Variants in CREB5 observed in about 807,000 individuals in gnomAD.
CREB5 encodes the protein cAMP responsive element binding protein 5, also known as cyclic AMP-responsive element-binding protein 5.
A neutral mutation model predicts 57.1 loss-of-function variants in CREB5; 19 were observed. The observed-to-expected ratio is 0.33, with a 90% CI of 0.23 to 0.49. CREB5 has a LOEUF of 0.49. Ranked by LOEUF, CREB5 falls within the 20% of genes least tolerant of loss-of-function variation. CREB5 has a pLI of 0.99. For synonymous variants in CREB5, 238 were observed against 238.3 expected, an observed-to-expected ratio of 1.00 and a Z score of 0.01; for missense variants, 579 against 671.6, an observed-to-expected ratio of 0.86 and a Z score of 1.52.
intron 5 of CREB5, among the ~76,000 whole-genome samples, chr7:28,690,419 C>T (rs907904542): frequency 6.6e-6 from 1 of 152,204 alleles, no homozygotes; most frequent in Non-Finnish European, 1.5e-5. Context: ...AGCCCTTTTA[C>T]AGCAGGAAGG....
chr7:28,663,340 G>A (rs920210280), intron 5 of CREB5, among the ~76,000 whole-genome samples: 4 of 151,912 alleles, frequency 2.6e-5, no homozygotes, highest in African/African-American at 7.2e-5. Context: ...AAGTAGCTGG[G>A]ACTACAGGTG....
intron 1 of CREB5, among the ~76,000 whole-genome samples, chr7:28,334,581 A>G (rs892542200): frequency 1.3e-5 from 2 of 152,124 alleles, no homozygotes; most frequent in African/African-American, 4.8e-5. Flanking sequence ...TGAGCTCCTT[A>G]TATACTCTGG....
At chr7:28,723,412 C>A (rs936689378) in intron 6 of CREB5, among the ~76,000 whole-genome samples, 1 of 152,192 alleles carries the variant, frequency 6.6e-6, no homozygotes, top group East Asian at 1.9e-4. Flanking sequence ...GGTATTTGAA[C>A]GATGTTCATT....
chr7:28,622,638 T>C lies in CREB5; in HGVS notation c.464+52101T>C, dbSNP rs1385291961. 2.6e-5 allele frequency among the ~76,000 whole-genome samples: 4 copies of C among 152,196 alleles called. No homozygotes were observed. The East Asian group carries it at 7.7e-4, about 29-fold the overall frequency. On this transcript the variant is annotated intron_variant, in intron 5 of 10. Transcript: ENST00000357727. ...GTACAGATTATATTTATTACTGTTT[T>C]AGAGATGAAGAAACTGAGGCTCAGA...
chr7:28,554,711 C>T (rs1402542579), intron 4 of CREB5, among the ~76,000 whole-genome samples: 1 of 152,262 alleles, frequency 6.6e-6, no homozygotes, highest in African/African-American at 2.4e-5. Flanking sequence ...CTGCTATTCA[C>T]AAGGTCAGCT....
chr7:28,542,683 G>T (rs1794254623), intron 4 of CREB5, among the ~76,000 whole-genome samples: 1 of 152,034 alleles, frequency 6.6e-6, no homozygotes, highest in Non-Finnish European at 1.5e-5. Context: ...GTTAAGATAA[G>T]GAGTAATGTC....
Position 28,412,566 on chromosome 7 carries a change from A to G in CREB5, c.-349A>G, listed in dbSNP as rs1388190614. The stretch of plus-strand genomic sequence containing the variant: ...TTGATTCTGTGTAGGGTTGGAGGCT[A>G]GACAGTTCCACAAATTTTTAGTCAC... On this transcript the variant is annotated 5_prime_UTR_variant, in exon 1 of 11. Coordinates refer to ENST00000357727, the MANE Select transcript of CREB5 (RefSeq NM_182898.4). 1 of 209,974 alleles carries G rather than the reference A, an allele frequency of 4.8e-6. No homozygotes were observed. Among genetic ancestry groups the G allele is most frequent in the African/African-American group, 2.3e-5 (1 of 43,752 alleles). The allele number at this position is 209,974 out of a possible 1,614,324, so 13.0% of individuals were successfully genotyped here. A position where few individuals can be genotyped will look rare whatever the true frequency, so the allele number is the denominator to read the frequency against.
chr7:28,757,008 G>T (rs1805356695), intron 7 of CREB5, among the ~76,000 whole-genome samples: 1 of 152,126 alleles, frequency 6.6e-6, no homozygotes, highest in African/African-American at 2.4e-5. Flanking sequence ...ATTGTTTATA[G>T]GTACCAAGTT....
At chr7:28,678,394 AT>A (rs1271989845) in intron 5 of CREB5, among the ~76,000 whole-genome samples, 4 of 151,256 alleles carry the variant, frequency 2.6e-5, no homozygotes, top group Non-Finnish European at 4.4e-5. Flanking sequence ...CTCAAAAAAA[AT>A]AAAAATAAAA....
chr7:28,557,614 C>T (rs563186037), intron 4 of CREB5, among the ~76,000 whole-genome samples: 197 of 152,108 alleles, frequency 1.3e-3, no homozygotes, highest in African/African-American at 4.6e-3. Context: ...TTCAAGGAGG[C>T]AGAGCTGTAA....
At chr7:28,446,653 G>A (rs1023572077) in intron 1 of CREB5, among the ~76,000 whole-genome samples, 5 of 152,106 alleles carry the variant, frequency 3.3e-5, no homozygotes, top group South Asian at 2.1e-4. Context: ...TTAGCTGGGC[G>A]TGGTGGTGGG....
intron 7 of CREB5, among the ~76,000 whole-genome samples, chr7:28,772,350 C>T (rs570304334): frequency 6.6e-6 from 1 of 152,308 alleles, no homozygotes; most frequent in East Asian, 1.9e-4. Flanking sequence ...CTTGAGGCAA[C>T]ACTGGGAATG....
chr7:28,445,836 C>T (rs550702486), intron 1 of CREB5, among the ~76,000 whole-genome samples: 32 of 152,278 alleles, frequency 2.1e-4, no homozygotes, highest in South Asian at 4.1e-4. Flanking sequence ...CAGGCGTGAG[C>T]CACTGCGCCC....
At chr7:28,582,906 T>A (rs185768358) in intron 5 of CREB5, among the ~76,000 whole-genome samples, 61 of 152,260 alleles carry the variant, frequency 4.0e-4, no homozygotes, top group African/African-American at 1.3e-3. Flanking sequence ...ATGGTTTTTT[T>A]AAAATTAAAT....
At chr7:28,443,123 G>A (rs1583467207) in intron 1 of CREB5, among the ~76,000 whole-genome samples, 1 of 152,238 alleles carries the variant, frequency 6.6e-6, no homozygotes, top group East Asian at 1.9e-4. Context: ...ATGGATGCTG[G>A]CAGTAGCTAT....
chr7:28,420,200 A>G (rs1215333470), intron 1 of CREB5, among the ~76,000 whole-genome samples: 1 of 152,116 alleles, frequency 6.6e-6, no homozygotes, highest in East Asian at 1.9e-4. Flanking sequence ...GGACATTCTT[A>G]AGACAGACAG....
chr7:28,555,109 T>TTTTGTGTGTGTGTGTGTGTG (rs147186726), intron 4 of CREB5, among the ~76,000 whole-genome samples: 4 of 148,800 alleles, frequency 2.7e-5, no homozygotes, highest in Admixed American at 2.7e-4. Flanking sequence ...ATAAGCTGCA[T>TTTTGTGTGTGTGTGTGTGTG]TGTGTGTGTG....
chr7:28,560,855 T>TGCGCGC (rs1554344299), intron 4 of CREB5, among the ~76,000 whole-genome samples: 9 of 56,386 alleles, frequency 1.6e-4, no homozygotes, highest in Admixed American at 3.8e-4. Flanking sequence ...CGCGTGTGTG[T>TGCGCGC]GTGCGTGTGC....
At chr7:28,709,905 A>G (rs1359234014) in intron 5 of CREB5, among the ~76,000 whole-genome samples, 1 of 152,222 alleles carries the variant, frequency 6.6e-6, no homozygotes, top group African/African-American at 2.4e-5. Flanking sequence ...AGTTGACCAC[A>G]GTGTGGGTGT....
Sources: allele counts gnomAD v4.1 joint callset (sites outside exome capture counted in the v4.1 genomes callset), GRCh38; gene constraint gnomAD v4.1.1; transcripts MANE v1.5; gene names NCBI Gene and HGNC (gene_info 2026-07-23, HGNC 2026-07-21).